The following APOBEC3F variants were observed in gnomAD, a reference collection of about 807,000 sequenced individuals.
APOBEC3F encodes apolipoprotein B mRNA editing enzyme catalytic subunit 3F, also known as DNA dC->dU-editing enzyme APOBEC-3F.
A neutral mutation model predicts 45.8 loss-of-function variants in APOBEC3F; 34 were observed. The ratio of observed to expected loss-of-function variants is 0.74; its 90% confidence interval spans 0.57 to 0.99. The LOEUF is 0.99. Ranked by LOEUF, APOBEC3F falls within the 50% of genes least tolerant of loss-of-function variation. The pLI, the probability that APOBEC3F is intolerant of heterozygous loss-of-function variation, is 0.00. For synonymous variants in APOBEC3F, 192 were observed against 174.4 expected (o/e 1.10, Z -0.80); for missense variants, 459 against 474.1 (o/e 0.97, Z 0.30).
At chr22:39,048,448 G>A (rs1445971987) in intron 4 of APOBEC3F, among the ~76,000 whole-genome samples, 2 of 152,198 alleles carry the variant, frequency 1.3e-5, no homozygotes, top group Admixed American at 1.3e-4. Flanking sequence ...GCTGAGTCGG[G>A]CAGATCACAA....
chr22:39,043,743 G>A (rs1471186361), intron 2 of APOBEC3F, among the ~76,000 whole-genome samples: 4 of 151,968 alleles, frequency 2.6e-5, no homozygotes, highest in African/African-American at 9.7e-5. Flanking sequence ...GGCCACGCTT[G>A]GTGGGTGGCT....
intron 1 of APOBEC3F, among the ~76,000 whole-genome samples, chr22:39,042,020 GT>G (rs1359049363): frequency 2.0e-5 from 3 of 152,334 alleles, no homozygotes; most frequent in Non-Finnish European, 4.4e-5. Flanking sequence ...GACAGGGCTG[GT>G]CTGGTAAGAG....
chr22:39,052,706 C>T lies in APOBEC3F; in HGVS notation c.*11C>T, dbSNP rs6001402. 1.3e-5 allele frequency: 21 copies of T among 1,608,800 alleles called. No individual in the cohort carries two copies. Among genetic ancestry groups the T allele is most frequent in the Non-Finnish European group, 1.4e-5 (17 of 1,176,928 alleles). ...GAGATTCTCGAGTGAGGGGTCTCCC[C>T]GGGCCTCATGGTCTGTCTCCTCTAG... On this transcript the variant is annotated 3_prime_UTR_variant, in exon 7 of 7. Coordinates refer to ENST00000308521, the MANE Select transcript of APOBEC3F (RefSeq NM_145298.6).
rs754655847 is a variant in APOBEC3F at position 39,054,344 on chromosome 22, A to G, written c.*1649A>G. 2.0e-5 allele frequency among the ~76,000 whole-genome samples: 3 copies of G among 151,728 alleles called. No individual in the cohort carries two copies. Among genetic ancestry groups the G allele is most frequent in the Admixed American group, 6.6e-5 (1 of 15,242 alleles). On this transcript the variant is annotated 3_prime_UTR_variant, in exon 7 of 7. Transcript: ENST00000308521. ...CCGCCTGAGTTCAAGCTATTTTCCT[A>G]CCTAAGCCTCCCAAGTAGCTGGGAT...
chr22:39,044,336 G>A (rs1263204006), intron 2 of APOBEC3F: 1 of 1,408,992 alleles, frequency 7.1e-7, no homozygotes, highest in Non-Finnish European at 9.2e-7. Flanking sequence ...ACGAAGGGAA[G>A]CTCATGTCTT....
rs1467645419 is a variant in APOBEC3F, at chr22:39,052,278, T to C, written c.928T>C (p.Trp310Arg). 6.2e-7 allele frequency: 1 copy of C among 1,614,200 alleles called. No homozygotes were observed. Among genetic ancestry groups the C allele is most frequent in the East Asian group, 2.2e-5 (1 of 44,876 alleles). ...TIFTARLYYFWDTDYQEGLRS... is the reference protein window; with the variant it reads ...TIFTARLYYFRDTDYQEGLRS... ...CTTCACCGCCCGCCTCTACTACTTCTGGGATACAGATTACCAGGAGGGGCT... is the reference window on the plus strand; with the variant it reads ...CTTCACCGCCCGCCTCTACTACTTCCGGGATACAGATTACCAGGAGGGGCT... The change falls in exon 6 of 7, where the codon TGG (tryptophan) becomes CGG (arginine). Residue 310 changes from tryptophan to arginine, a missense_variant. Transcript: ENST00000308521.
At chr22:39,043,265 G>T (rs1388057385) in intron 2 of APOBEC3F, among the ~76,000 whole-genome samples, 175 bp downstream of exon 2, 2 of 151,600 alleles carry the variant, frequency 1.3e-5, no homozygotes, top group African/African-American at 4.8e-5. Context: ...ATCGGATCGT[G>T]GAGGGGGTTT....
At chr22:39,047,057 G>A (rs1927259619) in intron 4 of APOBEC3F, among the ~76,000 whole-genome samples, 1 of 152,180 alleles carries the variant, frequency 6.6e-6, no homozygotes, top group African/African-American at 2.4e-5. Flanking sequence ...CTGTGACATA[G>A]GGACAAGAGC....
chr22:39,042,386 A>G (rs1467221631), intron 1 of APOBEC3F, among the ~76,000 whole-genome samples: 1 of 143,846 alleles, frequency 7.0e-6, no homozygotes, highest in African/African-American at 2.6e-5. Context: ...ATCTCGGCTC[A>G]CTACAACCTC....
chr22:39,044,579 C>T (rs999908671), intron 2 of APOBEC3F, among the ~76,000 whole-genome samples: 3 of 152,034 alleles, frequency 2.0e-5, no homozygotes, highest in Admixed American at 6.6e-5. Context: ...CTCCATGCCA[C>T]GGGGACAAGA....
intron 5 of APOBEC3F, 78 bp downstream of exon 5, chr22:39,049,659 C>G (rs1222163954): frequency 2.0e-6 from 3 of 1,523,514 alleles, no homozygotes; most frequent in African/African-American, 2.8e-5. Flanking sequence ...AGTGACGTGC[C>G]TGGCGTGGGC....
chr22:39,055,630 G>A lies in APOBEC3F; in HGVS notation c.*2935G>A, dbSNP rs1170165835. Among the ~76,000 whole-genome samples, 1 of 152,156 alleles carries A rather than the reference G, an allele frequency of 6.6e-6. No individual in the cohort carries two copies. The highest frequency in any genetic ancestry group is 2.4e-5 in the African/African-American group (1 of 41,434). On this transcript the variant is annotated 3_prime_UTR_variant, in exon 7 of 7. Transcript: ENST00000308521. ...TCAGAAGGAAGCAAAAAGTTAGAAA[G>A]ATGCAGAAGTAAGATCAATGGCCAG...
Position 39,045,125 on chromosome 22 carries a change from C to G in APOBEC3F, c.356C>G (p.Ala119Gly), listed in dbSNP as rs746458299. The G allele has an allele frequency of 8.1e-6, 13 of 1,614,000 alleles. No homozygotes were observed. The highest frequency in any genetic ancestry group is 1.3e-5 in the African/African-American group (1 of 74,926). The change falls in exon 3 of 7, where the codon GCC becomes GGC. Residue 119 changes from alanine to glycine, a missense_variant. Coordinates refer to ENST00000308521, the MANE Select transcript of APOBEC3F (RefSeq NM_145298.6). ...EHPNVTLTIS[A>G]ARLYYYWERD... ...CCCAATGTCACCCTGACCATCTCCG[C>G]CGCCCGCCTCTACTACTACTGGGAA...
rs370459602 is a variant in APOBEC3F, at chr22:39,044,070, G to A, written c.172-871G>A. 3.2e-6 allele frequency: 5 copies of A among 1,539,926 alleles called. No homozygotes were observed. The African/African-American group carries it at 5.6e-5, about 17-fold the overall frequency. On this transcript the variant is annotated intron_variant, in intron 2 of 6. Transcript: ENST00000308521. ...AAAAAAGATAAATGAGCGGTGTATG[G>A]TGTATTTTTCAGGTGCCCAGGTCTT...
intron 1 of APOBEC3F, among the ~76,000 whole-genome samples, chr22:39,041,619 T>C (rs923700808): frequency 5.9e-5 from 9 of 152,034 alleles, no homozygotes; most frequent in African/African-American, 1.9e-4. Flanking sequence ...ATCCCAGCAC[T>C]TTGGTAGGCT....
rs150859946 is a variant in APOBEC3F, at chr22:39,044,948, C to T, written c.179C>T (p.Ser60Phe). 10 of 1,613,662 alleles carry T rather than the reference C, an allele frequency of 6.2e-6. No individual in the cohort carries two copies. In the East Asian group the frequency reaches 2.0e-4, roughly 32 times the overall value. Reference protein sequence around the residue: ...DAKIFRGQVYSQPEHHAEMCF... With the variant: ...DAKIFRGQVYFQPEHHAEMCF... The stretch of plus-strand genomic sequence containing the variant: ...CCCCTGCTCCTCTCCCAGGTGTATT[C>T]CCAGCCTGAGCACCACGCAGAAATG... Residue 60 changes from serine to phenylalanine, a missense_variant, in exon 3 of 7, where the codon TCC (serine) becomes TTC (phenylalanine). By Grantham distance (155) the Ser-to-Phe change is radical. Transcript: ENST00000308521.
chr22:39,052,424 C>T, intron 6 of APOBEC3F, 71 bp downstream of exon 6: 2 of 1,591,088 alleles, frequency 1.3e-6, no homozygotes. Flanking sequence ...GTCTGCAATG[C>T]CGTGGGGCGG....
rs1927199875 is a variant in APOBEC3F, at chr22:39,046,019, G to T, written c.566+477G>T. 2.0e-5 allele frequency among the ~76,000 whole-genome samples: 3 copies of T among 152,286 alleles called. No individual in the cohort carries two copies. The South Asian group carries it at 6.2e-4, about 32-fold the overall frequency. On this transcript the variant is annotated intron_variant, in intron 4 of 6. Coordinates refer to ENST00000308521, the MANE Select transcript of APOBEC3F (RefSeq NM_145298.6). Reference sequence around the variant, plus strand: ...CCCGGGCCGGGTGCCCACAGGGCAGGCATTTATTTTCTCACAGATCTGGAG... The same window carrying T: ...CCCGGGCCGGGTGCCCACAGGGCAGTCATTTATTTTCTCACAGATCTGGAG...
rs1927369666 is a variant in APOBEC3F at position 39,049,333 on chromosome 22, C to T, written c.567-92C>T. ...CTGCCTGGGAAAGCAGCAGACATTC[C>T]CAGGGCTGTCCAGTGAGTGGTGTTC... On this transcript the variant is annotated intron_variant, in intron 4 of 6. Transcript: ENST00000308521. 2.2e-5 allele frequency: 32 copies of T among 1,439,340 alleles called. 1 individual carries two copies. In the South Asian group the frequency reaches 3.5e-4, roughly 16 times the overall value. The allele number at this position is 1,439,340 out of a possible 1,614,324, so 89.2% of individuals were successfully genotyped here. A position where few individuals can be genotyped will look rare whatever the true frequency, so the allele number is the denominator to read the frequency against.
Sources: gnomAD v4.1 joint callset for allele counts (sites outside exome capture counted in the v4.1 genomes callset) on GRCh38, gnomAD v4.1.1 for gene constraint, MANE v1.5 for transcripts, NCBI Gene and HGNC (gene_info 2026-07-23, HGNC 2026-07-21) for gene names.